Variants in HPCAL1 observed in about 807,000 individuals in gnomAD.
The protein encoded by HPCAL1 is hippocalcin like 1, also known as hippocalcin-like protein 1.
HPCAL1 carries 8 observed loss-of-function variants against 17.1 expected under a neutral mutation model. The ratio of observed to expected loss-of-function variants is 0.47; its 90% CI spans 0.27 to 0.84. The LOEUF is 0.84. Among genes scored for constraint, HPCAL1 ranks in the 40% least tolerant of loss-of-function variants. The pLI is 0.13. For missense variants in HPCAL1, 165 were observed against 271.1 expected (o/e 0.61, Z 2.75); for synonymous variants, 112 against 111.4 (o/e 1.01, Z -0.03).
At chr2:10,347,762 G>A (rs1405199862) in intron 1 of HPCAL1, among the ~76,000 whole-genome samples, 1 of 152,160 alleles carries the variant, frequency 6.6e-6, no homozygotes, top group Non-Finnish European at 1.5e-5. Flanking sequence ...TATGAAGCCT[G>A]GCACGGAGTA....
intron 1 of HPCAL1, among the ~76,000 whole-genome samples, chr2:10,372,264 G>A (rs1667260086): frequency 6.6e-6 from 1 of 151,622 alleles, no homozygotes; most frequent in Admixed American, 6.6e-5. Flanking sequence ...TGTGGCTAAG[G>A]TGGGGGACGA....
chr2:10,390,379 C>T lies in HPCAL1; in HGVS notation c.-110-6456C>T, dbSNP rs980492666. The stretch of plus-strand genomic sequence containing the variant: ...TATGAAGAGAGGTCATTGTGCAAAA[C>T]GTCTGTGTGACAGTATTCTTGGAGC... On this transcript the variant is annotated intron_variant, in intron 1 of 4. Coordinates refer to ENST00000307845, the MANE Select transcript of HPCAL1 (RefSeq NM_002149.4). Among the ~76,000 whole-genome samples the T allele has an allele frequency of 2.0e-5, 3 of 152,250 alleles. No individual in the cohort carries two copies. The East Asian group carries it at 5.8e-4, about 29-fold the overall frequency.
chr2:10,353,730 G>A (rs948151479), intron 1 of HPCAL1, among the ~76,000 whole-genome samples: 4 of 152,136 alleles, frequency 2.6e-5, no homozygotes, highest in Non-Finnish European at 4.4e-5. Flanking sequence ...CGCTATGCCC[G>A]GCTAATTTTT....
At chr2:10,385,866 G>T (rs968973699) in intron 1 of HPCAL1, among the ~76,000 whole-genome samples, 1 of 152,048 alleles carries the variant, frequency 6.6e-6, no homozygotes, top group African/African-American at 2.4e-5. Context: ...TGGACGCCTG[G>T]TTCCAGGCTG....
intron 1 of HPCAL1, among the ~76,000 whole-genome samples, chr2:10,364,790 G>T (rs1666746485): frequency 6.6e-6 from 1 of 152,050 alleles, no homozygotes; most frequent in Admixed American, 6.6e-5. Flanking sequence ...TTGCCATGTT[G>T]CCCAGGCTGG....
chr2:10,305,761 C>G (rs1213283564), intron 1 of HPCAL1, among the ~76,000 whole-genome samples: 9 of 152,198 alleles, frequency 5.9e-5, no homozygotes, highest in Non-Finnish European at 1.0e-4. Context: ...GGACACACTC[C>G]GTCCCCTTTC....
intron 1 of HPCAL1, among the ~76,000 whole-genome samples, chr2:10,366,338 C>T (rs753913140): frequency 2.6e-5 from 4 of 152,146 alleles, no homozygotes; most frequent in Non-Finnish European, 4.4e-5. Flanking sequence ...CGGGTTCAAG[C>T]GATTCTTGTG....
Position 10,420,111 on chromosome 2 carries a change from C to G in HPCAL1, c.354C>G (p.Arg118=). Residue 118 remains arginine, a synonymous_variant, in exon 3 of 5, where the codon CGC becomes CGG. Transcript: ENST00000307845. ...TGGACGGCAACGGCTACATCAGCCG[C>G]AGCGAGATGCTGGAGATCGTGCAGG... is the stretch of plus-strand genomic sequence containing the variant. ...YDLDGNGYIS[R]SEMLEIVQAI... 6.2e-7 allele frequency: 1 copy of G among 1,612,146 alleles called. No homozygotes were observed. The highest frequency in any genetic ancestry group is 2.2e-5 in the East Asian group (1 of 44,822).
intron 3 of HPCAL1, 79 bp downstream of exon 3, chr2:10,420,214 T>TTTTG: frequency 8.4e-7 from 1 of 1,184,684 alleles, no homozygotes; most frequent in East Asian, 2.6e-5. Flanking sequence ...CAGGGCTTTT[T>TTTTG]TTTTTTTTTT....
chr2:10,423,122 C>A, intron 4 of HPCAL1, 34 bp downstream of exon 4: 3 of 1,486,696 alleles, frequency 2.0e-6, no homozygotes, highest in Non-Finnish European at 2.8e-6. Flanking sequence ...TGCATGTGTA[C>A]GCCACGGTAG....
intron 2 of HPCAL1, among the ~76,000 whole-genome samples, chr2:10,409,779 T>G: frequency 6.6e-5 from 1 of 15,084 alleles, no homozygotes; most frequent in South Asian, 1.9e-3. Flanking sequence ...GCCTCAGTCT[T>G]TTTTTTTTTT....
intron 4 of HPCAL1, 132 bp from the exon 5 acceptor site, chr2:10,426,591 AC>A (rs1671421809): frequency 1.4e-6 from 1 of 735,736 alleles, no homozygotes; most frequent in East Asian, 2.5e-5. Context: ...GAGACTAGAC[AC>A]CGTCCAGCTT....
At chr2:10,309,026 C>T (rs1662794193) in intron 1 of HPCAL1, among the ~76,000 whole-genome samples, 2 of 151,706 alleles carry the variant, frequency 1.3e-5, no homozygotes, top group Admixed American at 1.3e-4. Flanking sequence ...TTGTGAGACC[C>T]TGCTTCTTAA....
chr2:10,347,151 G>C (rs10197473), intron 1 of HPCAL1, among the ~76,000 whole-genome samples: 1 of 151,740 alleles, frequency 6.6e-6, no homozygotes, highest in Non-Finnish European at 1.5e-5. Context: ...CACACAGGCC[G>C]GCCTCAGTGA....
In HPCAL1 at chr2:10,427,132, C is replaced by T. The variant is rs1671468014; in HGVS notation, c.*311C>T. 2 of 333,384 alleles carry T rather than the reference C, an allele frequency of 6.0e-6. No homozygotes were observed. The highest frequency in any genetic ancestry group is 1.1e-5 in the Non-Finnish European group (2 of 177,320). The allele number at this position is 333,384 out of a possible 1,614,324, so 20.7% of individuals were successfully genotyped here. ...AGCTCAGAGGTCCATGCCGAGGAGACCAGGCAGGACCTCCCGAGGCTGCGC... is the reference window on the plus strand; with the variant it reads ...AGCTCAGAGGTCCATGCCGAGGAGATCAGGCAGGACCTCCCGAGGCTGCGC... On this transcript the variant is annotated 3_prime_UTR_variant, in exon 5 of 5. Coordinates refer to ENST00000307845, the MANE Select transcript of HPCAL1 (RefSeq NM_002149.4).
rs1268712205 is a variant in HPCAL1 at position 10,330,474 on chromosome 2, A to T, written c.-111+27297A>T. ...TAGTCTGGGTGCCTTAAACAACAGG[A>T]ATTCTTTTTTTTTTACAGTATTGGA... On this transcript the variant is annotated intron_variant, in intron 1 of 4. Transcript: ENST00000307845. The surrounding 1 kb of genome is among the most constrained non-coding windows in gnomAD (Gnocchi z 4.2). Among the ~76,000 whole-genome samples, 1 of 145,850 alleles carries T rather than the reference A, an allele frequency of 6.9e-6. No homozygotes were observed. The highest frequency in any genetic ancestry group is 6.9e-5 in the Admixed American group (1 of 14,578).
intron 1 of HPCAL1, among the ~76,000 whole-genome samples, chr2:10,335,077 T>C (rs772132784): frequency 1.8e-4 from 28 of 152,344 alleles, no homozygotes; most frequent in Non-Finnish European, 3.4e-4. Flanking sequence ...TTGATCCTCC[T>C]TGAGTGCTGT....
chr2:10,329,403 G>A (rs189275772), intron 1 of HPCAL1, among the ~76,000 whole-genome samples: 192 of 152,338 alleles, frequency 1.3e-3, no homozygotes, highest in Non-Finnish European at 2.1e-3. Context: ...TGTCCCAGCT[G>A]CAGTGAGCCC....
chr2:10,389,845 G>A (rs1668577127), intron 1 of HPCAL1, among the ~76,000 whole-genome samples: 1 of 152,212 alleles, frequency 6.6e-6, no homozygotes, highest in African/African-American at 2.4e-5. Context: ...AGCTCTGAGT[G>A]TTCCTGCACA....
Sources: gnomAD v4.1 joint callset for allele counts (sites outside exome capture counted in the v4.1 genomes callset) on GRCh38, gnomAD v4.1.1 for gene constraint, Gnocchi (gnomAD v3.1) non-coding constraint, MANE v1.5 for transcripts, NCBI Gene and HGNC (gene_info 2026-07-23, HGNC 2026-07-21) for gene names.